Variants in ITPR1 observed in about 807,000 individuals in gnomAD.
ITPR1 encodes the protein inositol 1,4,5-trisphosphate receptor type 1.
In ITPR1, 96 loss-of-function variants were observed where a neutral mutation model predicts 318.4. That is an observed-to-expected ratio of 0.30 (90% CI 0.26 to 0.36). The LOEUF is 0.36. Among genes scored for constraint, ITPR1 ranks in the 10% least tolerant of loss-of-function variants. The probability of loss-of-function intolerance (pLI) is 1.00; values close to 1 mark genes in which losing one functional copy is unlikely to be tolerated. For synonymous variants in ITPR1, 1,312 were observed against 1,289.9 expected, an observed-to-expected ratio of 1.02 and a Z score of -0.37; for missense variants, 2,440 against 3,460.2, an observed-to-expected ratio of 0.71 and a Z score of 7.40.
At position 4,781,607 on chromosome 3, in the gene ITPR1, C is replaced by T. The variant is rs1221661630; in HGVS notation, c.6388-1012C>T. Among the ~76,000 whole-genome samples the T allele has an allele frequency of 9.9e-4, 151 of 152,154 alleles. 2 individuals are homozygous for T. The highest frequency in any genetic ancestry group is 8.8e-5 in the Non-Finnish European group (6 of 68,024). ...CGTGCGGCTGTGAAGGGTAATAGGGCCAAGTTCACATCCCAGCTCACCACC... is the reference window on the plus strand; with the variant it reads ...CGTGCGGCTGTGAAGGGTAATAGGGTCAAGTTCACATCCCAGCTCACCACC... On this transcript the variant is annotated intron_variant, in intron 49 of 61. Transcript: ENST00000649015.
chr3:4,700,860 C>T (rs574573797), intron 35 of ITPR1, among the ~76,000 whole-genome samples: 1 of 152,304 alleles, frequency 6.6e-6, no homozygotes, highest in Non-Finnish European at 1.5e-5. Flanking sequence ...CACATGGCAG[C>T]AGACAAGAGA....
intron 10 of ITPR1, among the ~76,000 whole-genome samples, chr3:4,648,616 C>T (rs2093521011): frequency 6.6e-6 from 1 of 152,126 alleles, no homozygotes; most frequent in African/African-American, 2.4e-5. Context: ...TCAAGACCAA[C>T]CTGGTCAACA....
intron 61 of ITPR1, among the ~76,000 whole-genome samples, chr3:4,844,142 CAAGA>C (rs2051579557): frequency 3.3e-5 from 1 of 30,078 alleles, no homozygotes; most frequent in African/African-American, 1.3e-4. Context: ...TTTTTTTTTC[CAAGA>C]CAAGATCTCA....
At chr3:4,580,128 T>G (rs973116984) in intron 4 of ITPR1, among the ~76,000 whole-genome samples, 11 of 152,086 alleles carry the variant, frequency 7.2e-5, no homozygotes, top group African/African-American at 2.7e-4. Flanking sequence ...GAGAATGGCG[T>G]GAACCCGGGA....
intron 35 of ITPR1, among the ~76,000 whole-genome samples, chr3:4,702,378 G>C (rs139384542): frequency 6.6e-6 from 1 of 152,280 alleles, no homozygotes; most frequent in South Asian, 2.1e-4. Flanking sequence ...TAAAGACATG[G>C]GTTCTACTCA....
At chr3:4,695,613 G>T (rs1252056298) in intron 33 of ITPR1, among the ~76,000 whole-genome samples, 1 of 152,120 alleles carries the variant, frequency 6.6e-6, no homozygotes, top group South Asian at 2.1e-4. Flanking sequence ...TAATCCTGCA[G>T]TTGCTTTTCT....
chr3:4,782,840 T>A, intron 50 of ITPR1, 99 bp downstream of exon 50: 2 of 1,164,540 alleles, frequency 1.7e-6, no homozygotes, highest in Non-Finnish European at 2.3e-6. Context: ...TTTATGACTT[T>A]AACCTAGGAC....
intron 39 of ITPR1, among the ~76,000 whole-genome samples, 182 bp from the exon 40 acceptor site, chr3:4,717,185 G>A (rs2041832097): frequency 6.6e-6 from 1 of 152,242 alleles, no homozygotes. Flanking sequence ...TTTTGGTCCT[G>A]AGCAGATGTC....
chr3:4,712,289 C>T (rs888156902), intron 39 of ITPR1, among the ~76,000 whole-genome samples: 2 of 152,204 alleles, frequency 1.3e-5, no homozygotes, highest in African/African-American at 4.8e-5. Context: ...CATCAAGAAA[C>T]GCCCTCCACT....
Position 4,676,635 on chromosome 3 carries a change from T to C in ITPR1, c.2801T>C (p.Ile934Thr). The C allele has an allele frequency of 6.2e-7, 1 of 1,613,672 alleles. No individual in the cohort carries two copies. The highest frequency in any genetic ancestry group is 8.5e-7 in the Non-Finnish European group (1 of 1,179,698). The change falls in exon 24 of 62, where the codon ATT (isoleucine) becomes ACT (threonine). Residue 934 changes from isoleucine (I) to threonine (T), a missense_variant. Physicochemically the swap from Ile to Thr is moderately conservative, Grantham distance 89. This residue lies in a region of ITPR1 where 478 missense variants were observed against 696.3 expected (regional missense o/e 0.69). Coordinates refer to ENST00000649015, the MANE Select transcript of ITPR1 (RefSeq NM_001378452.1). ...CTAGGCAGTAACGTGATGAGATCTA[T>C]TCATGGCGTGGGAGAGCTGATGACC... is the stretch of plus-strand genomic sequence containing the variant. ...KLKSSNVMRS[I>T]HGVGELMTQV... is the part of the protein sequence containing the mutation.
intron 4 of ITPR1, among the ~76,000 whole-genome samples, chr3:4,553,414 GTTTGTTCTTGCTATTGTTATTATTATT>G (rs2085770005): frequency 6.6e-6 from 1 of 152,028 alleles, no homozygotes; most frequent in Non-Finnish European, 1.5e-5. Context: ...GACATTTGAA[GTTTGTTCTTGCTATTGTTATTATTATT>G]TTGTTTTGAG....
At chr3:4,667,628 GT>G (rs2093980192) in intron 18 of ITPR1, 79 bp downstream of exon 18, 1 of 1,363,956 alleles carries the variant, frequency 7.3e-7, no homozygotes, top group Non-Finnish European at 1.0e-6. Flanking sequence ...TTTTTACTAC[GT>G]TTCCTTGTGC....
Position 4,619,639 on chromosome 3 carries a change from TGCTCTCCTCTGCTC to T in ITPR1, c.164-8123_164-8110del, listed in dbSNP as rs1471824887. The stretch of plus-strand genomic sequence containing the variant: ...TCCCCTGCTCTCCTCTGCTCTCCCC[TGCTCTCCTCTGCTC>T]TCCCCTGCTCTCCTCTGCTCTCCCC... On this transcript the variant is annotated intron_variant, in intron 4 of 61. Transcript: ENST00000649015. 1.1e-3 allele frequency among the ~76,000 whole-genome samples: 11 copies of T among 9,612 alleles called. 1 individual carries two copies. The highest frequency in any genetic ancestry group is 7.4e-3 in the Admixed American group (4 of 540). 6.3% of individuals were successfully genotyped at this position (9,612 alleles called of 152,430 possible).
intron 46 of ITPR1, 114 bp downstream of exon 46, chr3:4,768,878 C>A: frequency 1.0e-6 from 1 of 1,004,742 alleles, no homozygotes; most frequent in Non-Finnish European, 1.5e-6. Context: ...GCCAAGGATC[C>A]AGCAAGGTTC....
chr3:4,660,297 C>T (rs931024883), intron 13 of ITPR1, among the ~76,000 whole-genome samples: 10 of 152,124 alleles, frequency 6.6e-5, no homozygotes, highest in Non-Finnish European at 1.5e-4. Context: ...CCCATTTTCA[C>T]TTCCAATATT....
intron 12 of ITPR1, among the ~76,000 whole-genome samples, chr3:4,656,711 C>T (rs118100268): frequency 1.5e-3 from 232 of 152,310 alleles, no homozygotes; most frequent in African/African-American, 4.2e-3. Context: ...ATTTGATTTC[C>T]GTTTCTTGAT....
chr3:4,676,846 G>A (rs1217079203), intron 24 of ITPR1, 45 bp downstream of exon 24: 1 of 1,466,828 alleles, frequency 6.8e-7, no homozygotes, highest in Non-Finnish European at 9.4e-7. Flanking sequence ...TGTCACAGAG[G>A]CGCCATTCAG....
intron 33 of ITPR1, among the ~76,000 whole-genome samples, chr3:4,694,150 A>G (rs2094521009): frequency 6.6e-6 from 1 of 151,976 alleles, no homozygotes; most frequent in Admixed American, 6.6e-5. Context: ...AATGGCCATT[A>G]TAAAAAATTT....
chr3:4,522,689 C>T (rs1017419264), intron 4 of ITPR1, among the ~76,000 whole-genome samples: 1 of 152,200 alleles, frequency 6.6e-6, no homozygotes, highest in Non-Finnish European at 1.5e-5. Context: ...ATGTTTCGTC[C>T]AACGATCATA....
Sources: allele counts gnomAD v4.1 joint callset (sites outside exome capture counted in the v4.1 genomes callset), GRCh38; gene constraint gnomAD v4.1.1; regional missense constraint gnomAD v4.1.1; transcripts MANE v1.5; gene names NCBI Gene and HGNC (gene_info 2026-07-23, HGNC 2026-07-21).